KLHL42: variants seen among roughly 807,000 people sequenced by gnomAD.
KLHL42 encodes the protein kelch like family member 42.
KLHL42 carries 27 observed loss-of-function variants against 32.7 expected under a neutral mutation model. That is an observed-to-expected ratio of 0.83 (90% CI 0.61 to 1.14). The LOEUF is 1.14. KLHL42 is among the 50% of genes most tolerant of loss of function. The pLI is 0.00. For synonymous variants in KLHL42, 267 were observed against 248.2 expected, an observed-to-expected ratio of 1.08 and a Z score of -0.71; for missense variants, 491 against 560.8, an observed-to-expected ratio of 0.88 and a Z score of 1.26.
At chr12:27,790,322 G>T (rs1327087906) in intron 1 of KLHL42, among the ~76,000 whole-genome samples, 1 of 152,180 alleles carries the variant, frequency 6.6e-6, no homozygotes, top group Non-Finnish European at 1.5e-5. Flanking sequence ...CCATTTTACA[G>T]ATGAGGAAGT....
intron 1 of KLHL42, among the ~76,000 whole-genome samples, chr12:27,784,495 T>G (rs2062163383): frequency 6.6e-6 from 1 of 152,062 alleles, no homozygotes; most frequent in South Asian, 2.1e-4. Context: ...ACGCTTGTAG[T>G]CCCAGCTACT....
chr12:27,791,553 C>G (rs1457617172), intron 1 of KLHL42, among the ~76,000 whole-genome samples, 155 bp from the exon 2 acceptor site: 1 of 152,216 alleles, frequency 6.6e-6, no homozygotes, highest in African/African-American at 2.4e-5. Context: ...ATTCGAGAAG[C>G]CATCCTTTCC....
chr12:27,791,744 C>T lies in KLHL42; in HGVS notation c.909C>T (p.Leu303=), dbSNP rs775574897. The change falls in exon 2 of 3, where the codon CTC becomes CTT. Residue 303 remains leucine (L), a synonymous_variant. Coordinates refer to ENST00000381271, the MANE Select transcript of KLHL42 (RefSeq NM_020782.2). The stretch of plus-strand genomic sequence containing the variant: ...AACTTGTGGCTGTTAATTCAAAACT[C>T]TATGCCATCGGAGGGCAGGCCGTTT... The part of the protein sequence containing the change: ...NFKLVAVNSK[L]YAIGGQAVSN... 6.2e-7 allele frequency: 1 copy of T among 1,614,208 alleles called. No homozygotes were observed.
intron 1 of KLHL42, among the ~76,000 whole-genome samples, chr12:27,785,475 C>T (rs2062168149): frequency 6.6e-6 from 1 of 152,140 alleles, no homozygotes; most frequent in Non-Finnish European, 1.5e-5. Flanking sequence ...TCCCAAAGTG[C>T]TAAGATTACA....
chr12:27,799,504 C>T lies in KLHL42; in HGVS notation c.*1338C>T, dbSNP rs560012430. On this transcript the variant is annotated 3_prime_UTR_variant, in exon 3 of 3. Coordinates refer to ENST00000381271, the MANE Select transcript of KLHL42 (RefSeq NM_020782.2). ...CTTTCTGCAGTAACAGCGGGCAGAA[C>T]CATTTCAGTTAGCATGTGCCTCACT... 3.3e-4 allele frequency: 51 copies of T among 152,276 alleles called. No homozygotes were observed. The highest frequency in any genetic ancestry group is 1.2e-3 in the African/African-American group (49 of 41,550). 9.4% of individuals were successfully genotyped at this position (152,276 alleles called of 1,614,324 possible).
chr12:27,797,465 G>A (rs2062224273), intron 2 of KLHL42: 9 of 548,352 alleles, frequency 1.6e-5, no homozygotes, highest in Non-Finnish European at 2.3e-5. Flanking sequence ...TCAGAGCTGC[G>A]CTTTTTCCTG....
chr12:27,794,872 C>T (rs1197048438), intron 2 of KLHL42, among the ~76,000 whole-genome samples: 1 of 151,430 alleles, frequency 6.6e-6, no homozygotes, highest in Non-Finnish European at 1.5e-5. Context: ...TGGTGACTCT[C>T]CACTGAAGAT....
chr12:27,783,711 A>G (rs969360072), intron 1 of KLHL42, among the ~76,000 whole-genome samples: 2 of 151,772 alleles, frequency 1.3e-5, no homozygotes, highest in Non-Finnish European at 2.9e-5. Context: ...CCTCCCGAGG[A>G]GCTGGGACTA....
chr12:27,802,541 CAACT>C lies in KLHL42; in HGVS notation c.*4376_*4379del, dbSNP rs2062252676. On this transcript the variant is annotated 3_prime_UTR_variant, in exon 3 of 3. Coordinates refer to ENST00000381271, the MANE Select transcript of KLHL42 (RefSeq NM_020782.2). ...TTAGGAACACATCATAAATTCACAC[CAACT>C]GACACGTTGCTGACGTCTGTACTTG... 1.3e-5 allele frequency: 2 copies of C among 152,548 alleles called. No homozygotes were observed. Among genetic ancestry groups the C allele is most frequent in the East Asian group, 3.9e-4 (2 of 5,176 alleles). The allele number at this position is 152,548 out of a possible 1,614,324, so 9.4% of individuals were successfully genotyped here.
At chr12:27,784,447 C>T (rs2140813641) in intron 1 of KLHL42, among the ~76,000 whole-genome samples, 1 of 151,958 alleles carries the variant, frequency 6.6e-6, no homozygotes, top group Non-Finnish European at 1.5e-5. Flanking sequence ...GCTGTGTATG[C>T]ATGTTTTAAA....
In KLHL42 at chr12:27,802,884, T is replaced by G. The variant is rs1004784734; in HGVS notation, c.*4718T>G. 6.6e-6 allele frequency: 1 copy of G among 152,310 alleles called. No homozygotes were observed. Among genetic ancestry groups the G allele is most frequent in the South Asian group, 2.1e-4 (1 of 4,830 alleles). 9.4% of individuals were successfully genotyped at this position (152,310 alleles called of 1,614,324 possible). A position where few individuals can be genotyped will look rare whatever the true frequency, so the allele number is the denominator to read the frequency against. ...ACTGATACTTTCTTTGTTAAAAGGT[T>G]GTATTAAGTCTTCAATTTCAAGTCT... On this transcript the variant is annotated 3_prime_UTR_variant, in exon 3 of 3. Coordinates refer to ENST00000381271, the MANE Select transcript of KLHL42 (RefSeq NM_020782.2).
At position 27,802,579 on chromosome 12, in the gene KLHL42, A is replaced by G. The variant is rs1377776664; in HGVS notation, c.*4413A>G. ...GCTGACGTCTGTACTTGACATAACCATTTTTATTCATACAGGAAGCATTAA... is the reference window on the plus strand; with the variant it reads ...GCTGACGTCTGTACTTGACATAACCGTTTTTATTCATACAGGAAGCATTAA... On this transcript the variant is annotated 3_prime_UTR_variant, in exon 3 of 3. Coordinates refer to ENST00000381271, the MANE Select transcript of KLHL42 (RefSeq NM_020782.2). 6.6e-6 allele frequency: 1 copy of G among 152,610 alleles called. No individual in the cohort carries two copies. Among genetic ancestry groups the G allele is most frequent in the Non-Finnish European group, 1.5e-5 (1 of 68,040 alleles). The allele number at this position is 152,610 out of a possible 1,614,324, so 9.5% of individuals were successfully genotyped here. A position where few individuals can be genotyped will look rare whatever the true frequency, so the allele number is the denominator to read the frequency against.
intron 2 of KLHL42, chr12:27,792,162 T>G (rs1230072202): frequency 3.9e-6 from 1 of 258,044 alleles, no homozygotes; most frequent in African/African-American, 2.2e-5. Context: ...TCTCTTTTTT[T>G]TTGCTTCTGG....
In KLHL42 at chr12:27,799,573, T is replaced by C. The variant is rs2062235204; in HGVS notation, c.*1407T>C. 1 of 152,354 alleles carries C rather than the reference T, an allele frequency of 6.6e-6. No homozygotes were observed. The allele number at this position is 152,354 out of a possible 1,614,324, so 9.4% of individuals were successfully genotyped here. On this transcript the variant is annotated 3_prime_UTR_variant, in exon 3 of 3. Transcript: ENST00000381271. ...GGAAAAAAAAAACTGTCAGAGCGAATTCATGCATTCAACAAACACTTATGA... is the reference window on the plus strand; with the variant it reads ...GGAAAAAAAAAACTGTCAGAGCGAACTCATGCATTCAACAAACACTTATGA...
In KLHL42 at chr12:27,797,834, G is replaced by T. The variant is rs752729834; in HGVS notation, c.1186G>T (p.Val396Leu). 1.3e-6 allele frequency: 1 copy of T among 778,940 alleles called. No homozygotes were observed. The highest frequency in any genetic ancestry group is 2.4e-6 in the Non-Finnish European group (1 of 416,652). The allele number at this position is 778,940 out of a possible 1,614,324, so 48.3% of individuals were successfully genotyped here. Residue 396 changes from valine to leucine, a missense_variant, in exon 3 of 3, where the codon GTG (valine) becomes TTG (leucine). Val to Leu is a conservative substitution (Grantham distance 32). This residue lies in a region of KLHL42 where 152 missense variants were observed against 125.9 expected (regional missense o/e 1.21). Transcript: ENST00000381271. ...GTCTGTGGAAGAGACCATCTACATC[G>T]TGGGGGGGTGTCTCCACGAGCTGGG... ...MVSVEETIYI[V>L]GGCLHELGPN...
rs545212169 is a variant in KLHL42 at position 27,789,383 on chromosome 12, T to C, written c.873-2325T>C. On this transcript the variant is annotated intron_variant, in intron 1 of 2. Transcript: ENST00000381271. ...TTTAGCAGTATGCCTCTTTATTAAA[T>C]GGTCTGTTTTTAGGTGGCAATTTCA... Among the ~76,000 whole-genome samples the C allele has an allele frequency of 3.3e-5, 5 of 152,338 alleles. No homozygotes were observed. The East Asian group carries it at 9.6e-4, about 29-fold the overall frequency.
chr12:27,783,401 A>T lies in KLHL42; in HGVS notation c.872+2199A>T, dbSNP rs189027637. Among the ~76,000 whole-genome samples the T allele has an allele frequency of 4.5e-4, 69 of 152,298 alleles. No individual in the cohort carries two copies. In the East Asian group the frequency reaches 0.011, roughly 24 times the overall value. ...CTGTATAAGTATATTGATAGTGGTT[A>T]ACAATAGGGGAAAAGTGTTTATGTA... On this transcript the variant is annotated intron_variant, in intron 1 of 2. Transcript: ENST00000381271.
At chr12:27,790,636 G>A (rs566734218) in intron 1 of KLHL42, among the ~76,000 whole-genome samples, 3 of 152,334 alleles carry the variant, frequency 2.0e-5, no homozygotes, top group South Asian at 2.1e-4. Flanking sequence ...TGAATATAGA[G>A]CTGGAAACCA....
intron 2 of KLHL42, 52 bp from the exon 3 acceptor site, chr12:27,797,663 G>C: frequency 1.5e-6 from 1 of 669,984 alleles, no homozygotes; most frequent in Non-Finnish European, 2.7e-6. Context: ...GTACAGACTT[G>C]CCTAGTGGTG....
Sources: allele counts gnomAD v4.1 joint callset (sites outside exome capture counted in the v4.1 genomes callset), GRCh38; gene constraint gnomAD v4.1.1; regional missense constraint gnomAD v4.1.1; transcripts MANE v1.5; gene names NCBI Gene and HGNC (gene_info 2026-07-23, HGNC 2026-07-21).